The following ARHGEF10L variants were observed in gnomAD, a reference collection of about 807,000 sequenced individuals.
The protein encoded by ARHGEF10L is Rho guanine nucleotide exchange factor 10 like, also known as rho guanine nucleotide exchange factor 10-like protein.
In ARHGEF10L, 69 loss-of-function variants were observed where a neutral mutation model predicts 141.2. That is an observed-to-expected ratio of 0.49 (90% CI 0.40 to 0.60). The LOEUF (loss-of-function observed/expected upper bound fraction) is 0.60. ARHGEF10L is among the 20% of genes least tolerant of loss of function. The pLI, the probability that ARHGEF10L is intolerant of heterozygous loss-of-function variation, is 0.00. For synonymous variants in ARHGEF10L, 711 were observed against 718.5 expected (o/e 0.99, Z 0.17); for missense variants, 1,482 against 1,734.3 (o/e 0.85, Z 2.58).
chr1:17,543,734 G>A (rs1178311267), intron 1 of ARHGEF10L, among the ~76,000 whole-genome samples: 3 of 151,590 alleles, frequency 2.0e-5, no homozygotes, highest in East Asian at 3.9e-4. Context: ...TGCAACCACC[G>A]CCCCCTGGTT....
At chr1:17,549,035 G>C (rs1484702791) in intron 1 of ARHGEF10L, among the ~76,000 whole-genome samples, 1 of 150,054 alleles carries the variant, frequency 6.7e-6, no homozygotes, top group African/African-American at 2.5e-5. Flanking sequence ...TTTTGTTTTT[G>C]TTTTTGAGAT....
intron 25 of ARHGEF10L, among the ~76,000 whole-genome samples, chr1:17,661,833 G>A (rs970983432): frequency 6.6e-6 from 1 of 152,252 alleles, no homozygotes; most frequent in African/African-American, 2.4e-5. Context: ...AGCCCTGGCC[G>A]CCTTCGGGTC....
chr1:17,640,027 A>G, intron 20 of ARHGEF10L, 175 bp from the exon 21 acceptor site: 1 of 1,468,298 alleles, frequency 6.8e-7, no homozygotes, highest in South Asian at 1.4e-5. Context: ...TTCCTCCCCC[A>G]GGGGACCGAG....
rs1364630486 is a variant in ARHGEF10L, at chr1:17,621,317, C to T, written c.943-547C>T. 6.6e-6 allele frequency among the ~76,000 whole-genome samples: 1 copy of T among 152,222 alleles called. No homozygotes were observed. Among genetic ancestry groups the T allele is most frequent in the Non-Finnish European group, 1.5e-5 (1 of 68,052 alleles). ...GCGCGATCTTGGCCCACTGCAACCT[C>T]TGCCTCCCAGGTTCCAGCAATTCTC... On this transcript the variant is annotated intron_variant, in intron 10 of 28. Transcript: ENST00000361221. The surrounding 1 kb of genome is among the most constrained non-coding windows in gnomAD (Gnocchi z 4.1).
At chr1:17,676,155 T>TG in intron 26 of ARHGEF10L, among the ~76,000 whole-genome samples, 1 of 144,256 alleles carries the variant, frequency 6.9e-6, no homozygotes, top group East Asian at 2.2e-4. Context: ...GGTGCAGGTG[T>TG]AGGTGCAGGC....
the ARHGEF10L span, among the ~76,000 whole-genome samples, chr1:17,522,099 T>C: frequency 6.0e-4 from 91 of 152,084 alleles, 2 homozygotes; most frequent in Non-Finnish European, 1.6e-4. Flanking sequence ...CAGGGTTTCC[T>C]TGGAGTGTCC....
chr1:17,588,352 G>A, intron 3 of ARHGEF10L, 94 bp from the exon 4 acceptor site: 2 of 1,438,028 alleles, frequency 1.4e-6, no homozygotes, highest in East Asian at 2.3e-5. Context: ...TGTCTGCGGC[G>A]CCCCTGGGGA....
intron 4 of ARHGEF10L, among the ~76,000 whole-genome samples, chr1:17,598,103 T>TA (rs1491413519): frequency 3.3e-5 from 4 of 122,852 alleles, no homozygotes; most frequent in Admixed American, 7.9e-5. Context: ...CAAGAGAAAC[T>TA]TTTTTTTTTT....
chr1:17,660,992 T>A (rs1312486164), intron 25 of ARHGEF10L, among the ~76,000 whole-genome samples: 4 of 152,156 alleles, frequency 2.6e-5, no homozygotes, highest in Non-Finnish European at 5.9e-5. Context: ...TTTGTCCTCA[T>A]GGTGCAGATA....
rs546617617 is a variant in ARHGEF10L, at chr1:17,621,145, C to T, written c.943-719C>T. On this transcript the variant is annotated intron_variant, in intron 10 of 28. Transcript: ENST00000361221. The surrounding 1 kb of genome is among the most constrained non-coding windows in gnomAD (Gnocchi z 4.1). ...CGTGTGGGGGGACGGTACCCCAAGG[C>T]CTGTCTTGTGGAAGAGGGATAGCTC... 6.6e-6 allele frequency among the ~76,000 whole-genome samples: 1 copy of T among 152,284 alleles called. No homozygotes were observed. The highest frequency in any genetic ancestry group is 1.5e-5 in the Non-Finnish European group (1 of 68,032).
At chr1:17,631,092 G>T (rs2060658653) in intron 15 of ARHGEF10L, among the ~76,000 whole-genome samples, 1 of 151,108 alleles carries the variant, frequency 6.6e-6, no homozygotes, top group Non-Finnish European at 1.5e-5. Context: ...TTGCCTGGGG[G>T]TGATCTGTCT....
At chr1:17,548,308 G>T (rs541022114) in intron 1 of ARHGEF10L, among the ~76,000 whole-genome samples, 1 of 152,188 alleles carries the variant, frequency 6.6e-6, no homozygotes, top group South Asian at 2.1e-4. Flanking sequence ...CCATAGAAAA[G>T]AAATGAAAAT....
intron 2 of ARHGEF10L, among the ~76,000 whole-genome samples, chr1:17,585,088 T>G (rs2100598016): frequency 6.6e-6 from 1 of 152,322 alleles, no homozygotes; most frequent in South Asian, 2.1e-4. Context: ...TAGAAACATC[T>G]GAAACAAAAC....
At chr1:17,536,387 G>A (rs1272542232), upstream of ARHGEF10L, among the ~76,000 whole-genome samples, 1 of 152,142 alleles carries the variant, frequency 6.6e-6, no homozygotes, top group African/African-American at 2.4e-5. Context: ...TGTGGTAGGG[G>A]GGTCACTTAA....
At chr1:17,605,082 GT>G (rs771420201) in intron 6 of ARHGEF10L, among the ~76,000 whole-genome samples, 14 of 152,336 alleles carry the variant, frequency 9.2e-5, no homozygotes, top group Non-Finnish European at 1.0e-4. Context: ...GCAGGGTGGA[GT>G]TTTGGAGATG....
In ARHGEF10L at chr1:17,627,079, A is replaced by G. The variant is rs1261416347; in HGVS notation, c.1411-251A>G. On this transcript the variant is annotated intron_variant, in intron 14 of 28. Coordinates refer to ENST00000361221, the MANE Select transcript of ARHGEF10L (RefSeq NM_018125.4). This position sits in a 1 kb window ranked among gnomAD's most constrained non-coding sequence, Gnocchi z 4.0. ...TGCTGCTATGAACATGGCTGGACAAATATCTGTTTGAGACCCCGCTTTCAG... is the reference window on the plus strand; with the variant it reads ...TGCTGCTATGAACATGGCTGGACAAGTATCTGTTTGAGACCCCGCTTTCAG... 1.3e-5 allele frequency among the ~76,000 whole-genome samples: 2 copies of G among 152,234 alleles called. No homozygotes were observed. The highest frequency in any genetic ancestry group is 4.8e-5 in the African/African-American group (2 of 41,462).
chr1:17,618,608 C>T (rs1570965489), intron 9 of ARHGEF10L: 13 of 1,036,038 alleles, frequency 1.3e-5, no homozygotes, highest in Non-Finnish European at 1.6e-5. Flanking sequence ...CCTCACAGCT[C>T]CCATTTCCTG....
At chr1:17,564,285 T>G (rs529553105) in intron 1 of ARHGEF10L, among the ~76,000 whole-genome samples, 1 of 152,126 alleles carries the variant, frequency 6.6e-6, no homozygotes, top group Non-Finnish European at 1.5e-5. Context: ...TGGACCAGAA[T>G]GCCCAGGAGC....
At chr1:17,688,512 A>G (rs553641546) in intron 27 of ARHGEF10L, among the ~76,000 whole-genome samples, 3 of 152,284 alleles carry the variant, frequency 2.0e-5, no homozygotes, top group African/African-American at 7.2e-5. Context: ...TCCCCCAGAG[A>G]GACTGACCTG....
Sources: gnomAD v4.1 joint callset for allele counts (sites outside exome capture counted in the v4.1 genomes callset) on GRCh38, gnomAD v4.1.1 for gene constraint, Gnocchi (gnomAD v3.1) non-coding constraint, MANE v1.5 for transcripts, NCBI Gene and HGNC (gene_info 2026-07-23, HGNC 2026-07-21) for gene names.